RIC3: variants seen among roughly 807,000 people sequenced by gnomAD.
RIC3 encodes the protein protein RIC-3.
Under a neutral mutation model 27.3 loss-of-function variants are expected in RIC3, and 28 were observed. The observed-to-expected ratio is 1.02, with a 90% CI of 0.76 to 1.41. RIC3 has a LOEUF of 1.41. Ranked by LOEUF, RIC3 falls within the 40% of genes most tolerant of loss-of-function variation. RIC3 has a pLI of 0.00. For missense variants in RIC3, 501 were observed against 444.7 expected (o/e 1.13, Z -1.14); for synonymous variants, 184 against 160.4 (o/e 1.15, Z -1.11).
chr11:8,166,573 G>T, intron 1 of RIC3, among the ~76,000 whole-genome samples: 1 of 152,096 alleles, frequency 6.6e-6, no homozygotes, highest in Non-Finnish European at 1.5e-5. Flanking sequence ...TTTCTAGAGA[G>T]AACATACAGT....
At chr11:8,097,827 G>C in the RIC3 span, 2 of 1,611,564 alleles carry the variant, frequency 1.2e-6, no homozygotes, top group Non-Finnish European at 1.7e-6. Flanking sequence ...GGAAACTGCG[G>C]TACTAGCATT....
At chr11:8,146,884 AC>A (rs1949735721) in intron 1 of RIC3, among the ~76,000 whole-genome samples, 1 of 152,194 alleles carries the variant, frequency 6.6e-6, no homozygotes, top group African/African-American at 2.4e-5. Context: ...TTTCAATTTT[AC>A]TGTGTAAAGG....
At chr11:8,168,019 A>C (rs1378134218) in intron 1 of RIC3, among the ~76,000 whole-genome samples, 2 of 152,206 alleles carry the variant, frequency 1.3e-5, no homozygotes, top group Non-Finnish European at 2.9e-5. Flanking sequence ...TCCAGCAATC[A>C]ACAGTTTAAA....
chr11:8,139,059 G>C (rs1948738299), intron 2 of RIC3: 1 of 152,284 alleles, frequency 6.6e-6, no homozygotes. Flanking sequence ...AAATGGCCTT[G>C]CTGAGGAAAT....
chr11:8,118,169 G>A (rs1396914206), intron 5 of RIC3, among the ~76,000 whole-genome samples: 1 of 146,218 alleles, frequency 6.8e-6, no homozygotes, highest in Non-Finnish European at 1.5e-5. Flanking sequence ...CTTGTAGTGA[G>A]CCAAGACCCT....
At chr11:8,119,715 A>G (rs916753366) in intron 5 of RIC3, among the ~76,000 whole-genome samples, 4 of 152,224 alleles carry the variant, frequency 2.6e-5, no homozygotes, top group Non-Finnish European at 5.9e-5. Context: ...TAAACTAAAG[A>G]GCTTCTGCAC....
At chr11:8,114,449 A>G (rs1023068705) in intron 5 of RIC3, among the ~76,000 whole-genome samples, 1 of 152,128 alleles carries the variant, frequency 6.6e-6, no homozygotes, top group African/African-American at 2.4e-5. Flanking sequence ...TACTAAAAAT[A>G]CAAAAAATTA....
Position 8,109,030 on chromosome 11 carries a change from C to A in RIC3, c.*1668G>T, listed in dbSNP as rs1392332192. The A allele has an allele frequency of 6.6e-6, 1 of 152,186 alleles. No individual in the cohort carries two copies. Among genetic ancestry groups the A allele is most frequent in the Non-Finnish European group, 1.5e-5 (1 of 68,032 alleles). The allele number at this position is 152,186 out of a possible 1,614,324, so 9.4% of individuals were successfully genotyped here. On this transcript the variant is annotated 3_prime_UTR_variant, in exon 6 of 6. Coordinates refer to ENST00000309737, the MANE Select transcript of RIC3 (RefSeq NM_001206671.4). ...CATTCAGTATATTTTAAACTGCATT[C>A]TTCACAATGTGAATCAAATGTTCTA... is the stretch of plus-strand genomic sequence containing the variant.
intron 1 of RIC3, among the ~76,000 whole-genome samples, chr11:8,163,028 C>CAA (rs1356807719): frequency 3.5e-5 from 5 of 143,562 alleles, no homozygotes; most frequent in African/African-American, 7.9e-5. Context: ...AACACACACA[C>CAA]ACACACACAC....
chr11:8,146,963 C>T (rs1565085806), intron 1 of RIC3, among the ~76,000 whole-genome samples: 2 of 152,178 alleles, frequency 1.3e-5, no homozygotes, highest in African/African-American at 2.4e-5. Flanking sequence ...AGGAAAATAT[C>T]ATGGGCCCCT....
intron 1 of RIC3, among the ~76,000 whole-genome samples, chr11:8,141,067 C>T (rs1949003903): frequency 6.7e-6 from 1 of 149,254 alleles, no homozygotes; most frequent in African/African-American, 2.5e-5. Flanking sequence ...GTACCAGCCG[C>T]TGCAAAATCA....
intron 2 of RIC3, chr11:8,139,660 T>TTC (rs1189947540): frequency 1.1e-5 from 2 of 176,776 alleles, no homozygotes; most frequent in East Asian, 2.5e-4. Flanking sequence ...TTTTTTTTTT[T>TTC]TGGCAGGGGA....
chr11:8,110,897 G>T lies in RIC3; in HGVS notation c.911C>A (p.Ser304Tyr). 1 of 1,614,196 alleles carries T rather than the reference G, an allele frequency of 6.2e-7. No individual in the cohort carries two copies. The highest frequency in any genetic ancestry group is 8.5e-7 in the Non-Finnish European group (1 of 1,180,040). The part of the protein sequence containing the change: ...TSCDPKPETC[S>Y]CCFHEDEDPA... ...ATCCTCGTCTTCATGAAAACAGCAG[G>T]AACATGTTTCTGGCTTTGGATCACA... Residue 304 changes from serine to tyrosine, a missense_variant, in exon 6 of 6, where the codon TCC becomes TAC. By Grantham distance (144) the Ser-to-Tyr change is moderately radical. Transcript: ENST00000309737.
chr11:8,118,005 G>A (rs898046892), intron 5 of RIC3, among the ~76,000 whole-genome samples: 3 of 151,678 alleles, frequency 2.0e-5, no homozygotes, highest in South Asian at 4.2e-4. Context: ...GGCAGATCAC[G>A]AGGTCAGGAG....
intron 4 of RIC3, 82 bp from the exon 5 acceptor site, chr11:8,126,889 G>A (rs1208516635): frequency 1.3e-6 from 2 of 1,540,302 alleles, no homozygotes; most frequent in Non-Finnish European, 1.8e-6. Context: ...GTCTGTCTGG[G>A]TACTGGAATA....
At chr11:8,104,819 G>A (rs531701169), downstream of RIC3, 27 of 152,084 alleles carry the variant, frequency 1.8e-4, no homozygotes, top group Admixed American at 1.2e-3. Context: ...GATCTATGGC[G>A]AACACAGGTG....
At chr11:8,130,826 G>C (rs1312708274) in intron 4 of RIC3, among the ~76,000 whole-genome samples, 1 of 152,080 alleles carries the variant, frequency 6.6e-6, no homozygotes, top group Non-Finnish European at 1.5e-5. Context: ...AGGCAAAAAG[G>C]TACAGGTATT....
Position 8,106,437 on chromosome 11 carries a change from T to TTCA in RIC3, c.*4258_*4260dup, listed in dbSNP as rs1311325321. The TTCA allele has an allele frequency of 6.6e-6, 1 of 152,160 alleles. No individual in the cohort carries two copies. Among genetic ancestry groups the TTCA allele is most frequent in the Non-Finnish European group, 1.5e-5 (1 of 68,042 alleles). 9.4% of individuals were successfully genotyped at this position (152,160 alleles called of 1,614,324 possible). Reference sequence around the variant, plus strand: ...TGGCCTGTGCCTTTCAAGTTTAAGGTTCATCAGAACCACACCCAGAGGCTG... The same window carrying TTCA: ...TGGCCTGTGCCTTTCAAGTTTAAGGTTCATCATCAGAACCACACCCAGAGGCTG... On this transcript the variant is annotated 3_prime_UTR_variant, in exon 6 of 6. Transcript: ENST00000309737.
At chr11:8,152,683 A>C (rs1950342990) in intron 1 of RIC3, among the ~76,000 whole-genome samples, 1 of 152,214 alleles carries the variant, frequency 6.6e-6, no homozygotes, top group Non-Finnish European at 1.5e-5. Context: ...AACTCTACGA[A>C]TATACTAAAA....
Sources: allele counts gnomAD v4.1 joint callset (sites outside exome capture counted in the v4.1 genomes callset), GRCh38; gene constraint gnomAD v4.1.1; transcripts MANE v1.5; gene names NCBI Gene and HGNC (gene_info 2026-07-23, HGNC 2026-07-21).